DOCK1: variants seen among roughly 807,000 people sequenced by gnomAD.
DOCK1 encodes the protein dedicator of cytokinesis 1, also known as dedicator of cytokinesis protein 1.
A neutral mutation model predicts 262.7 loss-of-function variants in DOCK1; 138 were observed. The observed-to-expected ratio is 0.53, with a 90% CI of 0.46 to 0.61. DOCK1 has a LOEUF of 0.61. Among genes scored for constraint, DOCK1 ranks in the 20% least tolerant of loss-of-function variants. The pLI, the probability that DOCK1 is intolerant of heterozygous loss-of-function variation, is 0.00. For missense variants in DOCK1, 1,908 were observed against 2,370.7 expected (o/e 0.80, Z 4.05); for synonymous variants, 866 against 867.4 (o/e 1.00, Z 0.03).
intron 27 of DOCK1, among the ~76,000 whole-genome samples, chr10:127,226,196 A>T (rs1190719837): frequency 6.6e-6 from 1 of 151,946 alleles, no homozygotes; most frequent in East Asian, 1.9e-4. Flanking sequence ...AGCTTCCTGG[A>T]ATAGGACTGA....
In DOCK1 at chr10:127,175,337, C is replaced by G. The variant is rs575636006; in HGVS notation, c.2847+47573C>G. The G allele has an allele frequency of 1.9e-6, 3 of 1,614,098 alleles. No homozygotes were observed. The highest frequency in any genetic ancestry group is 1.1e-5 in the South Asian group (1 of 91,080). ...GTTGTGCTTTGAGGTCGACCACTTC[C>G]GTATGAGGCACGATTCGTTGGCATT... On this transcript the variant is annotated intron_variant, in intron 27 of 51. Transcript: ENST00000623213. This position sits in a 1 kb window ranked among gnomAD's most constrained non-coding sequence, Gnocchi z 6.3.
At chr10:127,133,896 C>G (rs1263800157) in intron 27 of DOCK1, among the ~76,000 whole-genome samples, 2 of 152,180 alleles carry the variant, frequency 1.3e-5, no homozygotes, top group African/African-American at 4.8e-5. Flanking sequence ...GCAGTGCCTG[C>G]AAATATGCTA....
chr10:127,183,577 C>T (rs2055940923), intron 27 of DOCK1, among the ~76,000 whole-genome samples: 1 of 152,170 alleles, frequency 6.6e-6, no homozygotes, highest in African/African-American at 2.4e-5. Context: ...GTACACAATC[C>T]TAACCGAAGT....
intron 25 of DOCK1, among the ~76,000 whole-genome samples, chr10:127,113,489 G>T (rs914142120): frequency 6.6e-6 from 1 of 152,170 alleles, no homozygotes; most frequent in Non-Finnish European, 1.5e-5. Context: ...ATGACAAGTA[G>T]ATCTGTTTGC....
chr10:127,293,526 G>C (rs1325556673), intron 29 of DOCK1, among the ~76,000 whole-genome samples: 2 of 152,168 alleles, frequency 1.3e-5, no homozygotes, highest in Non-Finnish European at 2.9e-5. Context: ...CGAGCACTGT[G>C]ATGGCTTTGC....
At chr10:127,207,492 G>A (rs1225289459) in intron 27 of DOCK1, among the ~76,000 whole-genome samples, 1 of 152,158 alleles carries the variant, frequency 6.6e-6, no homozygotes, top group Non-Finnish European at 1.5e-5. Context: ...TGGAAGACTT[G>A]GACGTACTCT....
At chr10:127,174,340 C>T (rs559292741) in intron 27 of DOCK1, among the ~76,000 whole-genome samples, 1 of 152,264 alleles carries the variant, frequency 6.6e-6, no homozygotes, top group South Asian at 2.1e-4. Context: ...AGGCGAAGTC[C>T]GATAACCCCC....
intron 27 of DOCK1, among the ~76,000 whole-genome samples, chr10:127,130,036 G>T (rs569081042): frequency 1.3e-5 from 2 of 149,726 alleles, no homozygotes. Context: ...CTCTAGTTGG[G>T]GCACAATCCT....
intron 23 of DOCK1, among the ~76,000 whole-genome samples, chr10:127,080,726 G>A (rs1163951767): frequency 6.6e-6 from 1 of 152,112 alleles, no homozygotes; most frequent in Non-Finnish European, 1.5e-5. Flanking sequence ...TGAATGCCAG[G>A]CTATTATAAA....
intron 38 of DOCK1, among the ~76,000 whole-genome samples, chr10:127,386,446 G>A (rs891756827): frequency 4.6e-5 from 7 of 151,882 alleles, no homozygotes; most frequent in Non-Finnish European, 7.4e-5. Context: ...GTTCCCCATC[G>A]CCCGCATTAC....
In DOCK1 at chr10:127,149,322, G is replaced by A. The variant is rs147692733; in HGVS notation, c.2847+21558G>A. ...GGTACGCGGCAGGCTCTCACGGGCTGATGTTTCTCACCTTTCGCTTGTCGT... is the reference window on the plus strand; with the variant it reads ...GGTACGCGGCAGGCTCTCACGGGCTAATGTTTCTCACCTTTCGCTTGTCGT... On this transcript the variant is annotated intron_variant, in intron 27 of 51. Transcript: ENST00000623213. Among the ~76,000 whole-genome samples the A allele has an allele frequency of 9.9e-5, 15 of 152,268 alleles. No individual in the cohort carries two copies. In the South Asian group the frequency reaches 1.5e-3, roughly 15 times the overall value.
chr10:126,960,786 G>GTA (rs1175089358), intron 1 of DOCK1, among the ~76,000 whole-genome samples: 1 of 97,272 alleles, frequency 1.0e-5, no homozygotes, highest in Non-Finnish European at 1.9e-5. Context: ...GTATATATGT[G>GTA]TATATACACA....
intron 27 of DOCK1, among the ~76,000 whole-genome samples, chr10:127,170,322 G>A (rs2054451203): frequency 6.6e-6 from 1 of 152,226 alleles, no homozygotes; most frequent in Admixed American, 6.5e-5. Context: ...AAGGGCCTGG[G>A]GTCCTCTTGC....
chr10:126,916,207 C>A (rs1461609593), intron 1 of DOCK1, among the ~76,000 whole-genome samples: 1 of 152,124 alleles, frequency 6.6e-6, no homozygotes, highest in African/African-American at 2.4e-5. Context: ...CTCAGCTCTG[C>A]CCAGGGGAGA....
At chr10:126,957,816 A>G (rs1173661960) in intron 1 of DOCK1, among the ~76,000 whole-genome samples, 1 of 152,194 alleles carries the variant, frequency 6.6e-6, no homozygotes, top group Non-Finnish European at 1.5e-5. Context: ...CTGGAAACAA[A>G]TAACTCAAAT....
intron 27 of DOCK1, among the ~76,000 whole-genome samples, chr10:127,128,409 C>T (rs1432658894): frequency 4.2e-5 from 6 of 143,208 alleles, no homozygotes; most frequent in Non-Finnish European, 9.0e-5. Flanking sequence ...TTCTGGGATA[C>T]ATGTGCAGAA....
At chr10:127,262,982 C>A (rs1012788119) in intron 29 of DOCK1, among the ~76,000 whole-genome samples, 1 of 152,190 alleles carries the variant, frequency 6.6e-6, no homozygotes, top group Admixed American at 6.5e-5. Flanking sequence ...AGCATCCACC[C>A]CAGAGCCGTG....
At chr10:127,431,597 G>A (rs1348583411) in intron 47 of DOCK1, among the ~76,000 whole-genome samples, 1 of 152,230 alleles carries the variant, frequency 6.6e-6, no homozygotes, top group Non-Finnish European at 1.5e-5. Flanking sequence ...CATCATTGGT[G>A]CAGGTCCAAG....
chr10:127,349,785 C>T (rs2063799814), intron 31 of DOCK1, among the ~76,000 whole-genome samples: 1 of 152,160 alleles, frequency 6.6e-6, no homozygotes, highest in Non-Finnish European at 1.5e-5. Context: ...CTTTGGCATT[C>T]CGTGGCTTGT....
Sources: allele counts gnomAD v4.1 joint callset (sites outside exome capture counted in the v4.1 genomes callset), GRCh38; gene constraint gnomAD v4.1.1; non-coding constraint Gnocchi (gnomAD v3.1); transcripts MANE v1.5; gene names NCBI Gene and HGNC (gene_info 2026-07-23, HGNC 2026-07-21).